The following FANCL variants were observed in gnomAD, a reference collection of about 807,000 sequenced individuals.
FANCL encodes FA complementation group L, also known as E3 ubiquitin-protein ligase FANCL.
A neutral mutation model predicts 59.4 loss-of-function variants in FANCL; 69 were observed. The ratio of observed to expected loss-of-function variants is 1.16; its 90% CI spans 0.96 to 1.42. FANCL has a LOEUF of 1.42. Ranked by LOEUF, FANCL falls within the 40% of genes most tolerant of loss-of-function variation. FANCL has a pLI of 0.00. For missense variants in FANCL, 519 were observed against 447.2 expected, an observed-to-expected ratio of 1.16 and a Z score of -1.45; for synonymous variants, 180 against 147.1, an observed-to-expected ratio of 1.22 and a Z score of -1.62.
At chr2:58,214,389 A>G (rs1240989870) in intron 5 of FANCL, among the ~76,000 whole-genome samples, 3 of 152,160 alleles carry the variant, frequency 2.0e-5, no homozygotes, top group African/African-American at 7.2e-5. Context: ...TATTTCTCTT[A>G]TAACTCTCAA....
intron 7 of FANCL, among the ~76,000 whole-genome samples, chr2:58,181,642 T>C (rs1185364297): frequency 1.3e-5 from 2 of 151,976 alleles, no homozygotes; most frequent in Admixed American, 6.6e-5. Flanking sequence ...GAAGAAAGGA[T>C]GAATAAATGG....
At chr2:58,161,711 ATG>A (rs1009260329) in intron 11 of FANCL, 73 bp from the exon 12 acceptor site, 4 of 977,070 alleles carry the variant, frequency 4.1e-6, no homozygotes, top group Non-Finnish European at 6.5e-6. Context: ...TTGGGAGGGT[ATG>A]TGTGATATTT....
chr2:58,203,260 C>T (rs532337686), intron 6 of FANCL, among the ~76,000 whole-genome samples: 2 of 151,924 alleles, frequency 1.3e-5, no homozygotes, highest in South Asian at 2.1e-4. Context: ...ATCAACTTTT[C>T]TGTGTCATCC....
intron 1 of FANCL, among the ~76,000 whole-genome samples, chr2:58,235,128 C>T (rs1209013343): frequency 6.6e-6 from 1 of 151,776 alleles, no homozygotes; most frequent in South Asian, 2.1e-4. Context: ...AACAATTGTA[C>T]AATTCGCAAG....
chr2:58,180,718 A>G (rs1375653539), intron 7 of FANCL, among the ~76,000 whole-genome samples: 1 of 152,060 alleles, frequency 6.6e-6, no homozygotes, highest in Non-Finnish European at 1.5e-5. Context: ...AAAAAATAAA[A>G]TAAAATACAA....
chr2:58,195,165 C>G (rs1171263872), intron 7 of FANCL, among the ~76,000 whole-genome samples: 2 of 151,914 alleles, frequency 1.3e-5, no homozygotes, highest in Non-Finnish European at 1.5e-5. Context: ...TTTCAGCCAG[C>G]CAATTAAAAA....
intron 5 of FANCL, among the ~76,000 whole-genome samples, chr2:58,215,927 T>A (rs1042481866): frequency 3.3e-5 from 5 of 151,780 alleles, no homozygotes; most frequent in African/African-American, 4.8e-5. Flanking sequence ...AAGTTCATAA[T>A]ACAAGGAGAA....
intron 7 of FANCL, among the ~76,000 whole-genome samples, chr2:58,182,517 G>A (rs898888237): frequency 6.6e-5 from 10 of 151,568 alleles, no homozygotes; most frequent in East Asian, 1.9e-4. Context: ...TTATTCCTGC[G>A]ATAAATTTTG....
intron 7 of FANCL, among the ~76,000 whole-genome samples, chr2:58,170,069 C>G (rs914976725): frequency 1.8e-4 from 27 of 152,058 alleles, no homozygotes; most frequent in African/African-American, 6.5e-4. Context: ...ACAGCAACCA[C>G]AAGACACATA....
Position 58,226,727 on chromosome 2 carries a change from C to G in FANCL, c.273+1G>C, listed in dbSNP as rs144729980. 1.4e-5 allele frequency: 22 copies of G among 1,611,174 alleles called. No homozygotes were observed. The highest frequency in any genetic ancestry group is 1.7e-5 in the Non-Finnish European group (20 of 1,178,340). ...GTGTCAGAAAAAAAAAAAATTCTTA[C>G]CAAAAGCATCTTCAACTCCATCATA... On this transcript the variant is annotated splice_donor_variant, in intron 4 of 13. Coordinates refer to ENST00000233741, the MANE Select transcript of FANCL (RefSeq NM_018062.4). LOFTEE classifies it high-confidence loss of function.
At chr2:58,176,298 C>G (rs1442358549) in intron 7 of FANCL, among the ~76,000 whole-genome samples, 1 of 152,000 alleles carries the variant, frequency 6.6e-6, no homozygotes, top group Non-Finnish European at 1.5e-5. Context: ...TCATATGGAA[C>G]CAAAAAAGAG....
At chr2:58,167,603 T>C (rs1402335467) in intron 7 of FANCL, among the ~76,000 whole-genome samples, 2 of 152,220 alleles carry the variant, frequency 1.3e-5, no homozygotes, top group African/African-American at 4.8e-5. Flanking sequence ...AAAATCCTAA[T>C]TGCATTTTGA....
At chr2:58,188,165 T>C (rs980272469) in intron 7 of FANCL, among the ~76,000 whole-genome samples, 6 of 152,206 alleles carry the variant, frequency 3.9e-5, no homozygotes, top group African/African-American at 9.6e-5. Flanking sequence ...TGAAAGACTG[T>C]CCTTCCTCCA....
chr2:58,194,423 T>G (rs554807573), intron 7 of FANCL: 2 of 393,342 alleles, frequency 5.1e-6, no homozygotes, highest in Non-Finnish European at 1.0e-5. Context: ...TTTGAAGCAT[T>G]TGTGATGTTA....
intron 5 of FANCL, among the ~76,000 whole-genome samples, chr2:58,206,046 GACT>G (rs1184364153): frequency 1.3e-5 from 2 of 152,018 alleles, no homozygotes; most frequent in Admixed American, 6.6e-5. Flanking sequence ...AAATATATTT[GACT>G]ACTACAATTT....
chr2:58,225,969 T>C (rs1245178691), intron 4 of FANCL, among the ~76,000 whole-genome samples: 2 of 152,040 alleles, frequency 1.3e-5, no homozygotes, highest in Non-Finnish European at 2.9e-5. Flanking sequence ...TAAGAAATTA[T>C]TAACTTTATT....
chr2:58,218,711 C>T (rs1239176015), intron 5 of FANCL, among the ~76,000 whole-genome samples: 4 of 151,594 alleles, frequency 2.6e-5, no homozygotes, highest in Non-Finnish European at 5.9e-5. Context: ...GTGCTCTGCA[C>T]GTATACTGCA....
At chr2:58,215,079 T>C (rs1001044388) in intron 5 of FANCL, among the ~76,000 whole-genome samples, 1 of 152,182 alleles carries the variant, frequency 6.6e-6, no homozygotes, top group Non-Finnish European at 1.5e-5. Flanking sequence ...CATTTCCAAC[T>C]ATGCTCTAAA....
rs544326269 is a variant in FANCL at position 58,179,549 on chromosome 2, G to A, written c.541-13675C>T. Among the ~76,000 whole-genome samples the A allele has an allele frequency of 3.3e-5, 5 of 152,042 alleles. No homozygotes were observed. In the East Asian group the frequency reaches 5.8e-4, roughly 18 times the overall value. On this transcript the variant is annotated intron_variant, in intron 7 of 13. Transcript: ENST00000233741. ...CTAGCCATATGCAGAAAACTCAAACGGGACCCCTCCCTTACACCTTATACA... is the reference window on the plus strand; with the variant it reads ...CTAGCCATATGCAGAAAACTCAAACAGGACCCCTCCCTTACACCTTATACA...
Sources: allele counts gnomAD v4.1 joint callset (sites outside exome capture counted in the v4.1 genomes callset), GRCh38; gene constraint gnomAD v4.1.1; transcripts MANE v1.5; gene names NCBI Gene and HGNC (gene_info 2026-07-23, HGNC 2026-07-21).